ATRNL1: variants seen among roughly 807,000 people sequenced by gnomAD.
ATRNL1 encodes attractin-like protein 1.
Under a neutral mutation model 182.7 loss-of-function variants are expected in ATRNL1, and 95 were observed. The ratio of observed to expected loss-of-function variants is 0.52; its 90% CI spans 0.44 to 0.62. ATRNL1 has a LOEUF of 0.62. Among genes scored for constraint, ATRNL1 ranks in the 20% least tolerant of loss-of-function variants. The probability of loss-of-function intolerance (pLI) is 0.00; values close to 1 mark genes in which losing one functional copy is unlikely to be tolerated. For missense variants in ATRNL1, 1,471 were observed against 1,679.5 expected, an observed-to-expected ratio of 0.88 and a Z score of 2.17; for synonymous variants, 576 against 568.3, an observed-to-expected ratio of 1.01 and a Z score of -0.19.
Position 115,093,445 on chromosome 10 carries a change from G to T in ATRNL1, c.-306G>T. 1 of 501,762 alleles carries T rather than the reference G, an allele frequency of 2.0e-6. No individual in the cohort carries two copies. Among genetic ancestry groups the T allele is most frequent in the Non-Finnish European group, 3.6e-6 (1 of 277,228 alleles). The allele number at this position is 501,762 out of a possible 1,614,324, so 31.1% of individuals were successfully genotyped here. A position where few individuals can be genotyped will look rare whatever the true frequency, so the allele number is the denominator to read the frequency against. ...CGGTCAGGTCCCCTCAGGAGCGCCGGGCGCAGTCTGCGCCTCCCGCTCCCC... is the reference window on the plus strand; with the variant it reads ...CGGTCAGGTCCCCTCAGGAGCGCCGTGCGCAGTCTGCGCCTCCCGCTCCCC... On this transcript the variant is annotated 5_prime_UTR_variant, in exon 1 of 29. Transcript: ENST00000355044. The surrounding 1 kb of genome is among the most constrained non-coding windows in gnomAD (Gnocchi z 6.1).
At chr10:115,830,979 A>G (rs1473587858) in intron 27 of ATRNL1, among the ~76,000 whole-genome samples, 1 of 152,138 alleles carries the variant, frequency 6.6e-6, no homozygotes, top group African/African-American at 2.4e-5. Flanking sequence ...CTTGGCTGTG[A>G]GCACCAGTCC....
intron 26 of ATRNL1, among the ~76,000 whole-genome samples, chr10:115,703,674 A>T (rs1471383529): frequency 6.6e-6 from 1 of 151,798 alleles, no homozygotes; most frequent in Non-Finnish European, 1.5e-5. Flanking sequence ...ACAAACATAT[A>T]TGTAGATAAT....
chr10:115,939,090 A>G (rs1264748162), intron 28 of ATRNL1, among the ~76,000 whole-genome samples: 2 of 152,258 alleles, frequency 1.3e-5, no homozygotes, highest in African/African-American at 4.8e-5. Context: ...CACAATGTAT[A>G]CATAGGTCAA....
intron 28 of ATRNL1, among the ~76,000 whole-genome samples, chr10:115,848,646 T>C (rs1405546389): frequency 2.6e-5 from 4 of 152,206 alleles, no homozygotes; most frequent in African/African-American, 9.6e-5. Flanking sequence ...GCTCTGCTCA[T>C]TGCGATGGTG....
At position 115,697,208 on chromosome 10, in the gene ATRNL1, T is replaced by C. The variant is rs1322158165; in HGVS notation, c.3796-30040T>C. Among the ~76,000 whole-genome samples the C allele has an allele frequency of 3.3e-5, 5 of 152,182 alleles. No homozygotes were observed. The East Asian group carries it at 9.6e-4, about 29-fold the overall frequency. ...TAATTGTTGGCCACATGTATGTCTT[T>C]TGAAAAGTGTTCATGTCCTTTGCCC... On this transcript the variant is annotated intron_variant, in intron 26 of 28. Coordinates refer to ENST00000355044, the MANE Select transcript of ATRNL1 (RefSeq NM_207303.4).
intron 27 of ATRNL1, among the ~76,000 whole-genome samples, chr10:115,818,186 T>A (rs1306735943): frequency 1.1e-3 from 9 of 8,480 alleles, no homozygotes; most frequent in Non-Finnish European, 1.3e-3. Context: ...TTTGATTCCG[T>A]TTTTTTTTTT....
At chr10:115,604,025 T>C (rs1856751806) in intron 26 of ATRNL1, among the ~76,000 whole-genome samples, 1 of 152,206 alleles carries the variant, frequency 6.6e-6, no homozygotes, top group African/African-American at 2.4e-5. Context: ...TCTGTTCATC[T>C]GCATATAATG....
In ATRNL1 at chr10:115,241,564, T is replaced by C; in HGVS notation, c.1533-7T>C. Reference sequence around the variant, plus strand: ...TTTGTAATACATTTTTAAATTTTATTCTGTAGGACTATTTTGAAAGAAAGT... The same window carrying C: ...TTTGTAATACATTTTTAAATTTTATCCTGTAGGACTATTTTGAAAGAAAGT... On this transcript the variant is annotated splice_polypyrimidine_tract_variant and splice_region_variant and intron_variant, in intron 9 of 28. Transcript: ENST00000355044. The C allele has an allele frequency of 2.5e-6, 4 of 1,573,654 alleles. No homozygotes were observed. The South Asian group carries it at 3.5e-5, about 14-fold the overall frequency.
intron 8 of ATRNL1, among the ~76,000 whole-genome samples, chr10:115,187,532 A>T (rs1346564491): frequency 2.6e-5 from 4 of 152,124 alleles, no homozygotes; most frequent in Non-Finnish European, 5.9e-5. Context: ...ATGAAAAATT[A>T]AAAAATGCTA....
At chr10:115,410,060 A>G (rs1554959509) in intron 20 of ATRNL1, among the ~76,000 whole-genome samples, 2 of 152,108 alleles carry the variant, frequency 1.3e-5, no homozygotes, top group African/African-American at 4.8e-5. Flanking sequence ...CCATCCTTAC[A>G]TTCCAGGGAT....
intron 26 of ATRNL1, among the ~76,000 whole-genome samples, chr10:115,662,032 G>A (rs1860725836): frequency 6.6e-6 from 1 of 150,762 alleles, no homozygotes; most frequent in Admixed American, 6.7e-5. Context: ...TGCAGTGTTT[G>A]GTTTTTTGTC....
chr10:115,228,196 A>G (rs1435154891), intron 9 of ATRNL1, among the ~76,000 whole-genome samples: 1 of 152,192 alleles, frequency 6.6e-6, no homozygotes, highest in East Asian at 1.9e-4. Context: ...CAGTGTTAGA[A>G]AAGAATGGAG....
At chr10:115,379,665 G>A (rs1411430029) in intron 19 of ATRNL1, among the ~76,000 whole-genome samples, 1 of 151,946 alleles carries the variant, frequency 6.6e-6, no homozygotes, top group Non-Finnish European at 1.5e-5. Flanking sequence ...AATATATCAC[G>A]GTGTGTCTTT....
At chr10:115,517,237 T>G (rs782720722) in intron 24 of ATRNL1, among the ~76,000 whole-genome samples, 3 of 151,988 alleles carry the variant, frequency 2.0e-5, no homozygotes, top group Non-Finnish European at 2.9e-5. Flanking sequence ...GGCCTGTATT[T>G]TTGGTGCATA....
At chr10:115,319,435 A>G (rs571337698) in intron 18 of ATRNL1, among the ~76,000 whole-genome samples, 1 of 152,142 alleles carries the variant, frequency 6.6e-6, no homozygotes, top group Non-Finnish European at 1.5e-5. Flanking sequence ...CAAGTCCTGA[A>G]TATCCTTGTT....
chr10:115,756,860 T>C (rs1354035855), intron 27 of ATRNL1, among the ~76,000 whole-genome samples: 2 of 152,188 alleles, frequency 1.3e-5, no homozygotes, highest in African/African-American at 4.8e-5. Flanking sequence ...ATTCGGTGCA[T>C]ATATATTTAG....
chr10:115,834,122 G>T (rs1338882614), intron 27 of ATRNL1, among the ~76,000 whole-genome samples: 2 of 152,146 alleles, frequency 1.3e-5, no homozygotes, highest in African/African-American at 4.8e-5. Context: ...GGAGCCAGTT[G>T]TCTATCATAT....
At position 115,682,425 on chromosome 10, in the gene ATRNL1, G is replaced by A. The variant is rs570985410; in HGVS notation, c.3796-44823G>A. Among the ~76,000 whole-genome samples the A allele has an allele frequency of 6.6e-5, 10 of 152,028 alleles. No homozygotes were observed. In the East Asian group the frequency reaches 1.7e-3, roughly 27 times the overall value. On this transcript the variant is annotated intron_variant, in intron 26 of 28. Coordinates refer to ENST00000355044, the MANE Select transcript of ATRNL1 (RefSeq NM_207303.4). Reference sequence around the variant, plus strand: ...TGTGGTGGGTTCCTGTAATCCCAGCGACTTGGGGGGCTGGTACAGGAGAAT... The same window carrying A: ...TGTGGTGGGTTCCTGTAATCCCAGCAACTTGGGGGGCTGGTACAGGAGAAT...
chr10:115,413,481 T>A (rs1316463482), intron 20 of ATRNL1, among the ~76,000 whole-genome samples: 2 of 152,184 alleles, frequency 1.3e-5, no homozygotes, highest in African/African-American at 2.4e-5. Flanking sequence ...TCAACATTTT[T>A]CTATAAACAA....
Sources: gnomAD v4.1 joint callset for allele counts (sites outside exome capture counted in the v4.1 genomes callset) on GRCh38, gnomAD v4.1.1 for gene constraint, Gnocchi (gnomAD v3.1) non-coding constraint, MANE v1.5 for transcripts, NCBI Gene and HGNC (gene_info 2026-07-23, HGNC 2026-07-21) for gene names.